Variants in TRAPPC9 observed in about 807,000 individuals in gnomAD.
TRAPPC9 encodes IKK2 binding protein.
In TRAPPC9, 83 loss-of-function variants were observed where a neutral mutation model predicts 124.0. The ratio of observed to expected loss-of-function variants is 0.67; its 90% confidence interval spans 0.56 to 0.80. The LOEUF (loss-of-function observed/expected upper bound fraction) is 0.80. Among genes scored for constraint, TRAPPC9 ranks in the 30% least tolerant of loss-of-function variants. TRAPPC9 has a pLI of 0.00. For missense variants in TRAPPC9, 1,302 were observed against 1,508.3 expected, an observed-to-expected ratio of 0.86 and a Z score of 2.27; for synonymous variants, 638 against 617.5, an observed-to-expected ratio of 1.03 and a Z score of -0.49.
intron 17 of TRAPPC9, among the ~76,000 whole-genome samples, chr8:140,171,427 T>A (rs909230065): frequency 6.6e-6 from 1 of 152,220 alleles, no homozygotes; most frequent in African/African-American, 2.4e-5. Flanking sequence ...TGGAACATCA[T>A]CTAGGCCACT....
At chr8:140,304,683 C>T (rs1455023869) in intron 10 of TRAPPC9, among the ~76,000 whole-genome samples, 2 of 152,244 alleles carry the variant, frequency 1.3e-5, no homozygotes, top group Non-Finnish European at 2.9e-5. Context: ...GCCCGCTCCC[C>T]TCAGTCAGCA....
intron 17 of TRAPPC9, among the ~76,000 whole-genome samples, chr8:140,203,713 C>G (rs1454394940): frequency 6.6e-6 from 1 of 152,242 alleles, no homozygotes; most frequent in Non-Finnish European, 1.5e-5. Flanking sequence ...ACGAATTCTG[C>G]TGGAAGTGAG....
intron 17 of TRAPPC9, chr8:140,095,100 G>A (rs1844845492): frequency 6.6e-6 from 1 of 152,202 alleles, no homozygotes; most frequent in Admixed American, 6.5e-5. Context: ...AAACCATGGT[G>A]TGCCTGCCGT....
intron 21 of TRAPPC9, among the ~76,000 whole-genome samples, chr8:139,737,783 G>T (rs1246889947): frequency 6.6e-6 from 1 of 152,180 alleles, no homozygotes; most frequent in African/African-American, 2.4e-5. Flanking sequence ...CAGTCTTTAG[G>T]TGGGGTAGAA....
intron 3 of TRAPPC9, among the ~76,000 whole-genome samples, chr8:140,438,372 G>C (rs2070891224): frequency 6.6e-6 from 1 of 152,176 alleles, no homozygotes; most frequent in Non-Finnish European, 1.5e-5. Context: ...ATATTCCGCT[G>C]TATGCCCATA....
intron 9 of TRAPPC9, among the ~76,000 whole-genome samples, chr8:140,315,235 T>TTTTA (rs2066412692): frequency 1.3e-5 from 1 of 75,472 alleles, no homozygotes; most frequent in Non-Finnish European, 3.4e-5. Context: ...TTGTATGTCT[T>TTTTA]TTTTTTTTTT....
At chr8:139,959,028 G>A (rs1331972437) in intron 19 of TRAPPC9, among the ~76,000 whole-genome samples, 2 of 151,238 alleles carry the variant, frequency 1.3e-5, no homozygotes, top group African/African-American at 4.9e-5. Context: ...CCTGCATTCC[G>A]AGTCACACGG....
At chr8:139,875,473 AT>A (rs1047017762) in intron 21 of TRAPPC9, among the ~76,000 whole-genome samples, 31 of 152,180 alleles carry the variant, frequency 2.0e-4, no homozygotes, top group African/African-American at 5.1e-4. Context: ...GGTTGTTTTC[AT>A]TTTTTTTCCC....
In TRAPPC9 at chr8:139,885,939, C is replaced by T; in HGVS notation, c.2995G>A (p.Val999Met). Residue 999 changes from valine to methionine, a missense_variant, in exon 21 of 23, where the codon GTG becomes ATG. Physicochemically the swap from Val to Met is conservative, Grantham distance 21. Transcript: ENST00000438773. ...PSLKRSGEAS[V>M]EGLLNQLVLE... ...ACGAGCTGGTTCAGGAGTCCTTCCA[C>T]ACTCGCCTCGCCACTGCGCTTCAGG... 1 of 1,572,626 alleles carries T rather than the reference C, an allele frequency of 6.4e-7. No individual in the cohort carries two copies.
intron 17 of TRAPPC9, among the ~76,000 whole-genome samples, chr8:140,172,466 C>T (rs2061985900): frequency 1.0e-5 from 1 of 97,932 alleles, no homozygotes; most frequent in African/African-American, 4.2e-5. Context: ...GGGGGTTAAA[C>T]TACCTCTGGG....
intron 17 of TRAPPC9, among the ~76,000 whole-genome samples, chr8:140,034,189 A>C (rs111644743): frequency 6.6e-6 from 1 of 152,252 alleles, no homozygotes; most frequent in Non-Finnish European, 1.5e-5. Context: ...CAAAGCAACT[A>C]TTCAATAAAT....
chr8:139,833,804 G>A (rs754072639), intron 21 of TRAPPC9, among the ~76,000 whole-genome samples: 10 of 152,212 alleles, frequency 6.6e-5, no homozygotes, highest in Non-Finnish European at 1.2e-4. Context: ...GCTTCCTTCC[G>A]CTTCAGGAGC....
intron 21 of TRAPPC9, among the ~76,000 whole-genome samples, chr8:139,771,843 G>A (rs1337362197): frequency 2.6e-5 from 4 of 152,228 alleles, no homozygotes; most frequent in African/African-American, 9.6e-5. Flanking sequence ...TTAGGGTCAG[G>A]TGTGTCTCTA....
intron 16 of TRAPPC9, among the ~76,000 whole-genome samples, chr8:140,246,709 A>T (rs140597387): frequency 1.1e-4 from 17 of 151,710 alleles, no homozygotes; most frequent in Non-Finnish European, 2.5e-4. Context: ...GGGGCCGGGC[A>T]TGGTGGCTCA....
chr8:140,218,802 A>G (rs997536917), intron 17 of TRAPPC9, among the ~76,000 whole-genome samples: 1 of 152,046 alleles, frequency 6.6e-6, no homozygotes, highest in African/African-American at 2.4e-5. Context: ...TCTGCTAAAA[A>G]TATAAAAATT....
chr8:140,311,099 T>C (rs941351943), intron 10 of TRAPPC9, 149 bp downstream of exon 10: 27 of 893,996 alleles, frequency 3.0e-5, no homozygotes, highest in African/African-American at 3.3e-5. Flanking sequence ...TTCCATGTCA[T>C]AGGGCTGCTT....
intron 18 of TRAPPC9, among the ~76,000 whole-genome samples, chr8:139,989,183 A>G (rs1837464166): frequency 6.6e-6 from 1 of 152,176 alleles, no homozygotes; most frequent in Non-Finnish European, 1.5e-5. Context: ...ACCTGACTCT[A>G]AAGTCTGATC....
intron 21 of TRAPPC9, among the ~76,000 whole-genome samples, chr8:139,744,810 C>T (rs549530443): frequency 1.8e-4 from 28 of 152,344 alleles, no homozygotes; most frequent in Admixed American, 1.7e-3. Context: ...AGCTGTTGGG[C>T]TCTCTTGGGT....
intron 9 of TRAPPC9, among the ~76,000 whole-genome samples, chr8:140,315,306 T>C (rs1427279293): frequency 6.6e-6 from 1 of 151,316 alleles, no homozygotes; most frequent in East Asian, 1.9e-4. Context: ...AAGTTCAGTT[T>C]CTCTATAAAT....
Sources: gnomAD v4.1 joint callset for allele counts (sites outside exome capture counted in the v4.1 genomes callset) on GRCh38, gnomAD v4.1.1 for gene constraint, MANE v1.5 for transcripts, NCBI Gene and HGNC (gene_info 2026-07-23, HGNC 2026-07-21) for gene names.